Variants in GRID2 observed in about 807,000 individuals in gnomAD.
GRID2 encodes glutamate receptor ionotropic, delta-2.
GRID2 carries 33 observed loss-of-function variants against 114.8 expected under a neutral mutation model. The ratio of observed to expected loss-of-function variants is 0.29; its 90% confidence interval spans 0.22 to 0.38. The LOEUF is 0.38. Ranked by LOEUF, GRID2 falls within the 10% of genes least tolerant of loss-of-function variation. The probability of loss-of-function intolerance (pLI) is 1.00; values close to 1 mark genes in which losing one functional copy is unlikely to be tolerated. For synonymous variants in GRID2, 505 were observed against 449.9 expected, an observed-to-expected ratio of 1.12 and a Z score of -1.55; for missense variants, 1,184 against 1,257.7, an observed-to-expected ratio of 0.94 and a Z score of 0.89.
intron 2 of GRID2, among the ~76,000 whole-genome samples, chr4:92,943,077 T>C: frequency 6.6e-6 from 1 of 152,192 alleles, no homozygotes; most frequent in Non-Finnish European, 1.5e-5. Flanking sequence ...GGAGTATCTT[T>C]GTGGTGTTCT....
At chr4:92,637,033 ATATT>A (rs1731097150) in intron 2 of GRID2, among the ~76,000 whole-genome samples, 1 of 151,924 alleles carries the variant, frequency 6.6e-6, no homozygotes, top group South Asian at 2.1e-4. Context: ...AAATTACATT[ATATT>A]TATTCAAATT....
intron 4 of GRID2, among the ~76,000 whole-genome samples, chr4:93,117,413 C>T (rs10021148): frequency 6.6e-6 from 1 of 151,748 alleles, no homozygotes; most frequent in Admixed American, 6.6e-5. Context: ...CATACATTTA[C>T]GTACAATCAG....
chr4:93,619,858 A>G (rs1463709177), intron 13 of GRID2, among the ~76,000 whole-genome samples: 1 of 152,226 alleles, frequency 6.6e-6, no homozygotes, highest in African/African-American at 2.4e-5. Flanking sequence ...ACATAGCATT[A>G]TATTTCTTTA....
intron 2 of GRID2, among the ~76,000 whole-genome samples, chr4:93,046,215 C>G (rs1726119340): frequency 1.3e-5 from 2 of 152,066 alleles, no homozygotes; most frequent in African/African-American, 4.8e-5. Context: ...TCACCTGCTC[C>G]TCTTTCCCTC....
chr4:92,789,673 C>A (rs1739485541), intron 2 of GRID2, among the ~76,000 whole-genome samples: 1 of 151,826 alleles, frequency 6.6e-6, no homozygotes, highest in Non-Finnish European at 1.5e-5. Flanking sequence ...ATCTTTGATA[C>A]TTTAAAATTT....
chr4:92,578,241 T>A (rs1560468558), intron 1 of GRID2, among the ~76,000 whole-genome samples: 1 of 148,710 alleles, frequency 6.7e-6, no homozygotes, highest in Non-Finnish European at 1.5e-5. Context: ...TAGCATTAGG[T>A]ATATCTCCTA....
intron 4 of GRID2, among the ~76,000 whole-genome samples, chr4:93,127,825 G>A (rs1045041155): frequency 6.6e-6 from 1 of 151,644 alleles, no homozygotes; most frequent in Non-Finnish European, 1.5e-5. Context: ...AAGCCAGCCT[G>A]GGCAACATAG....
chr4:92,833,139 A>G (rs914703813), intron 2 of GRID2, among the ~76,000 whole-genome samples: 1 of 152,182 alleles, frequency 6.6e-6, no homozygotes, highest in Non-Finnish European at 1.5e-5. Context: ...GCAATGCAGG[A>G]TAACTTTCCA....
chr4:92,977,270 A>G (rs893761614), intron 2 of GRID2, among the ~76,000 whole-genome samples: 6 of 152,172 alleles, frequency 3.9e-5, no homozygotes, highest in African/African-American at 9.6e-5. Context: ...CATTTTCCCT[A>G]AGGAGATGAC....
chr4:93,238,733 G>C (rs932137207), intron 8 of GRID2, among the ~76,000 whole-genome samples: 6 of 151,486 alleles, frequency 4.0e-5, no homozygotes, highest in Non-Finnish European at 8.9e-5. Flanking sequence ...TCTTACCTAG[G>C]GAAATAGCAT....
chr4:92,550,948 A>G (rs1365051244), intron 1 of GRID2, among the ~76,000 whole-genome samples: 1 of 152,150 alleles, frequency 6.6e-6, no homozygotes, highest in African/African-American at 2.4e-5. Context: ...TCAGTCATAA[A>G]TTGTTTCTCC....
At chr4:92,404,873 C>T (rs991295042) in intron 1 of GRID2, among the ~76,000 whole-genome samples, 14 of 152,006 alleles carry the variant, frequency 9.2e-5, no homozygotes, top group Non-Finnish European at 1.8e-4. Context: ...CACACTGGGG[C>T]CTGTTGGGCT....
In GRID2 at chr4:92,438,109, G is replaced by A. The variant is rs146708460; in HGVS notation, c.88+133365G>A. The stretch of plus-strand genomic sequence containing the variant: ...GACTATTTATGACTTTCCATCGTTG[G>A]TATTGTAGTTATTTTATACGTACAT... On this transcript the variant is annotated intron_variant, in intron 1 of 15. Transcript: ENST00000282020. 3.9e-3 allele frequency among the ~76,000 whole-genome samples: 587 copies of A among 152,134 alleles called. 6 individuals carry two copies. The highest frequency in any genetic ancestry group is 0.013 in the African/African-American group (552 of 41,502).
At chr4:93,249,557 T>C (rs1255191713) in intron 8 of GRID2, among the ~76,000 whole-genome samples, 3 of 152,130 alleles carry the variant, frequency 2.0e-5, no homozygotes, top group African/African-American at 7.2e-5. Context: ...CCTTCAGCAG[T>C]GGTTTGTAGT....
chr4:92,513,587 A>G (rs1724356695), intron 1 of GRID2, among the ~76,000 whole-genome samples: 1 of 151,666 alleles, frequency 6.6e-6, no homozygotes, highest in Non-Finnish European at 1.5e-5. Flanking sequence ...AGCACAATGT[A>G]GCACTCTTTC....
intron 2 of GRID2, among the ~76,000 whole-genome samples, chr4:92,856,752 G>A (rs1189278977): frequency 2.6e-5 from 4 of 152,112 alleles, no homozygotes; most frequent in Non-Finnish European, 2.9e-5. Flanking sequence ...CATCTTGTAC[G>A]TAGTTGGTTT....
chr4:92,640,262 A>G (rs757947031), intron 2 of GRID2, among the ~76,000 whole-genome samples: 7 of 151,866 alleles, frequency 4.6e-5, no homozygotes, highest in Non-Finnish European at 1.0e-4. Context: ...TGCCACCTTT[A>G]TAGAGATTTA....
At chr4:92,323,930 T>C (rs1013802305) in intron 1 of GRID2, among the ~76,000 whole-genome samples, 2 of 152,012 alleles carry the variant, frequency 1.3e-5, no homozygotes, top group African/African-American at 4.8e-5. Flanking sequence ...ATTATATTCA[T>C]ATCATCAAAG....
intron 2 of GRID2, among the ~76,000 whole-genome samples, chr4:92,889,619 A>G (rs1031658182): frequency 3.3e-5 from 5 of 152,202 alleles, no homozygotes; most frequent in Admixed American, 6.5e-5. Flanking sequence ...AAATGAGAGG[A>G]CGCAAACAAA....
Sources: gnomAD v4.1 joint callset for allele counts (sites outside exome capture counted in the v4.1 genomes callset) on GRCh38, gnomAD v4.1.1 for gene constraint, MANE v1.5 for transcripts, NCBI Gene and HGNC (gene_info 2026-07-23, HGNC 2026-07-21) for gene names.